Variants in ADCY8 observed in about 807,000 individuals in gnomAD.
The protein encoded by ADCY8 is adenylate cyclase 8.
ADCY8 carries 51 observed loss-of-function variants against 119.7 expected under a neutral mutation model. That is an observed-to-expected ratio of 0.43 (90% CI 0.34 to 0.54). The LOEUF is 0.54. ADCY8 is among the 20% of genes least tolerant of loss of function. The probability of loss-of-function intolerance (pLI) is 0.03; values close to 1 mark genes in which losing one functional copy is unlikely to be tolerated. For missense variants in ADCY8, 1,383 were observed against 1,598.8 expected (o/e 0.87, Z 2.30); for synonymous variants, 665 against 651.0 (o/e 1.02, Z -0.33).
chr8:130,937,322 C>T (rs1586587281), intron 4 of ADCY8, 122 bp from the exon 5 acceptor site: 1 of 1,001,196 alleles, frequency 1.0e-6, no homozygotes, highest in Non-Finnish European at 1.4e-6. Context: ...GAGAACCTAC[C>T]TTTGAAATAT....
intron 14 of ADCY8, among the ~76,000 whole-genome samples, chr8:130,803,841 C>G (rs1440282718): frequency 2.6e-5 from 4 of 152,208 alleles, no homozygotes; most frequent in African/African-American, 9.7e-5. Flanking sequence ...GATTCATCAT[C>G]AATTTCTCTT....
chr8:130,807,958 T>G (rs1197608882), intron 14 of ADCY8, among the ~76,000 whole-genome samples: 2 of 92,890 alleles, frequency 2.2e-5, no homozygotes, highest in African/African-American at 7.8e-5. Flanking sequence ...CACTCCAGCC[T>G]GGGTGACAGA....
At position 130,901,516 on chromosome 8, in the gene ADCY8, C is replaced by T. The variant is rs144300334; in HGVS notation, c.1911+2256G>A. Among the ~76,000 whole-genome samples the T allele has an allele frequency of 5.9e-5, 9 of 152,184 alleles. No individual in the cohort carries two copies. The East Asian group carries it at 1.4e-3, about 23-fold the overall frequency. ...TGTGTTATGCAAACACTCAGATGGT[C>T]GGGGCTTCCGTGGAATTGACTGGGT... On this transcript the variant is annotated intron_variant, in intron 7 of 17. Coordinates refer to ENST00000286355, the MANE Select transcript of ADCY8 (RefSeq NM_001115.3).
At chr8:130,919,446 T>A (rs765163434) in intron 5 of ADCY8, among the ~76,000 whole-genome samples, 2 of 152,134 alleles carry the variant, frequency 1.3e-5, no homozygotes, top group African/African-American at 2.4e-5. Context: ...GATCTCTGAG[T>A]GCCAATGTGG....
intron 14 of ADCY8, among the ~76,000 whole-genome samples, chr8:130,802,807 C>G (rs372052032): frequency 6.6e-5 from 10 of 152,344 alleles, no homozygotes; most frequent in African/African-American, 2.4e-4. Flanking sequence ...CCAAGTGACA[C>G]GCAGCCTTGG....
intron 7 of ADCY8, among the ~76,000 whole-genome samples, chr8:130,896,046 C>T (rs748791897): frequency 1.9e-4 from 29 of 152,182 alleles, no homozygotes; most frequent in Non-Finnish European, 3.1e-4. Context: ...CTTTTTCTCC[C>T]ATTCTAAGGT....
At chr8:130,947,706 T>C (rs1821145452) in intron 3 of ADCY8, among the ~76,000 whole-genome samples, 1 of 152,132 alleles carries the variant, frequency 6.6e-6, no homozygotes, top group African/African-American at 2.4e-5. Flanking sequence ...CTAAAATATC[T>C]ACCATGGCAT....
intron 1 of ADCY8, among the ~76,000 whole-genome samples, chr8:130,993,932 C>A (rs1345610913): frequency 6.6e-6 from 1 of 152,166 alleles, no homozygotes; most frequent in Admixed American, 6.5e-5. Flanking sequence ...TTAGCCTCAG[C>A]AAATTTTGAA....
At chr8:131,038,498 T>C (rs1266847719) in intron 1 of ADCY8, among the ~76,000 whole-genome samples, 2 of 152,094 alleles carry the variant, frequency 1.3e-5, no homozygotes, top group Non-Finnish European at 2.9e-5. Context: ...ATTTAAACAA[T>C]AGAAACATTG....
intron 2 of ADCY8, among the ~76,000 whole-genome samples, chr8:130,987,989 A>G (rs969394779): frequency 6.6e-6 from 1 of 152,216 alleles, no homozygotes; most frequent in Non-Finnish European, 1.5e-5. Context: ...ACTGACTTGC[A>G]AGGGCATCTC....
chr8:131,027,753 T>A (rs866797592), intron 1 of ADCY8, among the ~76,000 whole-genome samples: 1 of 152,174 alleles, frequency 6.6e-6, no homozygotes, highest in Admixed American at 6.5e-5. Flanking sequence ...AGCACAAAGA[T>A]ACATACTTGC....
At chr8:130,849,313 C>G (rs999347475) in intron 10 of ADCY8, among the ~76,000 whole-genome samples, 1 of 152,154 alleles carries the variant, frequency 6.6e-6, no homozygotes, top group African/African-American at 2.4e-5. Context: ...CATGGTAACT[C>G]TTATTTATGA....
chr8:131,003,666 G>C (rs1468653893), intron 1 of ADCY8, among the ~76,000 whole-genome samples: 1 of 152,048 alleles, frequency 6.6e-6, no homozygotes, highest in African/African-American at 2.4e-5. Flanking sequence ...AGAAAATTGA[G>C]GCTCAGCGAG....
chr8:131,014,048 G>A lies in ADCY8; in HGVS notation c.961-23506C>T, dbSNP rs562335057. The stretch of plus-strand genomic sequence containing the variant: ...ACTTCACATGAAATAACTTTACAAA[G>A]TTTCTCAACTGTATTATTTTACAAG... On this transcript the variant is annotated intron_variant, in intron 1 of 17. Coordinates refer to ENST00000286355, the MANE Select transcript of ADCY8 (RefSeq NM_001115.3). 2.3e-4 allele frequency among the ~76,000 whole-genome samples: 35 copies of A among 152,236 alleles called. No homozygotes were observed. In the East Asian group the frequency reaches 6.6e-3, roughly 29 times the overall value.
At chr8:130,810,952 GT>G (rs201061606) in intron 14 of ADCY8, among the ~76,000 whole-genome samples, 3 of 150,906 alleles carry the variant, frequency 2.0e-5, no homozygotes, top group East Asian at 3.9e-4. Context: ...TTAAAAAGCT[GT>G]TTTTTTTTCT....
intron 7 of ADCY8, among the ~76,000 whole-genome samples, chr8:130,888,009 C>T (rs937974583): frequency 3.9e-5 from 6 of 152,062 alleles, no homozygotes; most frequent in African/African-American, 1.4e-4. Context: ...TTAAGACTTA[C>T]AGCACCAGTG....
chr8:130,877,811 T>C (rs1818623864), intron 8 of ADCY8, among the ~76,000 whole-genome samples: 1 of 152,204 alleles, frequency 6.6e-6, no homozygotes, highest in Non-Finnish European at 1.5e-5. Context: ...TGGTCACTGC[T>C]TGTGCTCCAG....
At chr8:131,020,488 A>G (rs1454062763) in intron 1 of ADCY8, among the ~76,000 whole-genome samples, 1 of 152,202 alleles carries the variant, frequency 6.6e-6, no homozygotes, top group African/African-American at 2.4e-5. Flanking sequence ...GAAATAGAGA[A>G]TGCTGAATTC....
At chr8:130,803,059 A>T (rs1409281909) in intron 14 of ADCY8, among the ~76,000 whole-genome samples, 1 of 152,156 alleles carries the variant, frequency 6.6e-6, no homozygotes, top group Non-Finnish European at 1.5e-5. Context: ...GTTTACTGGG[A>T]CCACCGCTGA....
Sources: gnomAD v4.1 joint callset for allele counts (sites outside exome capture counted in the v4.1 genomes callset) on GRCh38, gnomAD v4.1.1 for gene constraint, MANE v1.5 for transcripts, NCBI Gene and HGNC (gene_info 2026-07-23, HGNC 2026-07-21) for gene names.